The following ANKRD30B variants were observed in gnomAD, a reference collection of about 807,000 sequenced individuals.
The protein encoded by ANKRD30B is ankyrin repeat domain-containing protein 30B.
A neutral mutation model predicts 202.2 loss-of-function variants in ANKRD30B; 144 were observed. The observed-to-expected ratio is 0.71, with a 90% CI of 0.62 to 0.82. The LOEUF (loss-of-function observed/expected upper bound fraction) is 0.82. Ranked by LOEUF, ANKRD30B falls within the 40% of genes least tolerant of loss-of-function variation. The pLI, the probability that ANKRD30B is intolerant of heterozygous loss-of-function variation, is 0.00. For synonymous variants in ANKRD30B, 508 were observed against 561.3 expected (o/e 0.91, Z 1.34); for missense variants, 1,487 against 1,669.1 (o/e 0.89, Z 1.90).
intron 16 of ANKRD30B, among the ~76,000 whole-genome samples, chr18:14,795,116 C>T (rs62086412): frequency 2.5e-3 from 372 of 148,540 alleles, no homozygotes; most frequent in Middle Eastern, 0.014. Flanking sequence ...ATAACCATTA[C>T]TCTAACATTG....
the ANKRD30B span, among the ~76,000 whole-genome samples, chr18:14,890,571 C>A: frequency 6.6e-6 from 1 of 151,516 alleles, no homozygotes; most frequent in African/African-American, 2.4e-5. Flanking sequence ...AATTCTTATA[C>A]CTGAGAAGTA....
chr18:14,924,123 C>T, the ANKRD30B span, among the ~76,000 whole-genome samples: 1 of 152,226 alleles, frequency 6.6e-6, no homozygotes, highest in East Asian at 1.9e-4. Context: ...CTTAATTACT[C>T]TGAATCTCTC....
the ANKRD30B span, among the ~76,000 whole-genome samples, chr18:14,916,344 G>A: frequency 1.3e-5 from 2 of 152,224 alleles, no homozygotes; most frequent in Non-Finnish European, 2.9e-5. Context: ...TTGTGAATCT[G>A]CATCTGGGAT....
intron 16 of ANKRD30B, among the ~76,000 whole-genome samples, chr18:14,792,923 T>G (rs1373059485): frequency 6.6e-6 from 1 of 152,136 alleles, no homozygotes; most frequent in South Asian, 2.1e-4. Context: ...AATTCTGAAT[T>G]CATGACTTGA....
chr18:14,905,463 G>A, the ANKRD30B span: 1 of 152,230 alleles, frequency 6.6e-6, no homozygotes. Flanking sequence ...TTGGTTGAAA[G>A]AATTTAGCTT....
intron 42 of ANKRD30B, among the ~76,000 whole-genome samples, chr18:14,853,041 T>A (rs1213115974): frequency 7.2e-5 from 11 of 152,266 alleles, no homozygotes; most frequent in African/African-American, 2.6e-4. Context: ...CTGTGTTTTG[T>A]TAAATAATAC....
the ANKRD30B span, chr18:14,889,001 T>G: frequency 4.0e-6 from 2 of 499,156 alleles, no homozygotes; most frequent in African/African-American, 4.1e-5. Flanking sequence ...AATTGAAACA[T>G]ACACAACTTT....
the ANKRD30B span, among the ~76,000 whole-genome samples, chr18:14,893,305 ATATT>A: frequency 6.6e-6 from 1 of 152,188 alleles, no homozygotes; most frequent in African/African-American, 2.4e-5. Context: ...ATAGGCACAA[ATATT>A]TATAGAAGTG....
At chr18:14,860,023 G>A in the ANKRD30B span, among the ~76,000 whole-genome samples, 133 of 140,502 alleles carry the variant, frequency 9.5e-4, no homozygotes, top group Non-Finnish European at 1.5e-3. Context: ...GGGCAGAGGC[G>A]CTCCTCACAA....
intron 16 of ANKRD30B, among the ~76,000 whole-genome samples, chr18:14,792,943 T>C (rs955279182): frequency 7.2e-5 from 11 of 152,154 alleles, no homozygotes; most frequent in African/African-American, 2.7e-4. Context: ...AATACTTAAA[T>C]TGTTGTTATT....
chr18:14,787,137 T>C, intron 15 of ANKRD30B, 37 bp downstream of exon 15: 1 of 1,547,960 alleles, frequency 6.5e-7, no homozygotes, highest in Non-Finnish European at 8.8e-7. Context: ...ATATTAGTAT[T>C]GCATGAGATG....
intron 14 of ANKRD30B, among the ~76,000 whole-genome samples, chr18:14,785,804 C>T (rs562253830): frequency 7.9e-5 from 12 of 152,048 alleles, no homozygotes; most frequent in East Asian, 5.8e-4. Context: ...TTTGGGAGGC[C>T]GAGGCGGGTG....
chr18:14,783,238 C>T (rs553827132), intron 12 of ANKRD30B, among the ~76,000 whole-genome samples: 2 of 152,186 alleles, frequency 1.3e-5, no homozygotes, highest in South Asian at 2.1e-4. Flanking sequence ...ACTTATGAAA[C>T]ATTTAAAAAT....
chr18:14,936,875 C>T, the ANKRD30B span, among the ~76,000 whole-genome samples: 2 of 152,196 alleles, frequency 1.3e-5, no homozygotes, highest in African/African-American at 2.4e-5. Context: ...GGCTGAGATT[C>T]ACAGAGGCTG....
the ANKRD30B span, among the ~76,000 whole-genome samples, chr18:14,883,369 G>GTCTGTCTCTCTCTCTC: frequency 5.9e-5 from 5 of 84,594 alleles, no homozygotes; most frequent in African/African-American, 2.9e-4. Context: ...CTGTCTGTCT[G>GTCTGTCTCTCTCTCTC]TCTCTCTCTC....
At chr18:14,793,787 A>G (rs1182535417) in intron 16 of ANKRD30B, among the ~76,000 whole-genome samples, 1 of 151,846 alleles carries the variant, frequency 6.6e-6, no homozygotes, top group Non-Finnish European at 1.5e-5. Flanking sequence ...CCAGCCACTC[A>G]GGAGGTTGAG....
At chr18:14,860,898 T>G in the ANKRD30B span, among the ~76,000 whole-genome samples, 5 of 152,044 alleles carry the variant, frequency 3.3e-5, no homozygotes, top group Non-Finnish European at 5.9e-5. Context: ...AGGGAGTTTC[T>G]TCATGTTGGC....
At chr18:14,794,516 C>A (rs1968741316) in intron 16 of ANKRD30B, among the ~76,000 whole-genome samples, 1 of 151,924 alleles carries the variant, frequency 6.6e-6, no homozygotes, top group Non-Finnish European at 1.5e-5. Context: ...CATATTTTTA[C>A]CTAAAACAAG....
At chr18:14,824,261 A>G (rs1598681661) in intron 32 of ANKRD30B, among the ~76,000 whole-genome samples, 2 of 152,240 alleles carry the variant, frequency 1.3e-5, no homozygotes, top group African/African-American at 2.4e-5. Context: ...ATGATAGCTT[A>G]TATCAGAGAG....
Sources: gnomAD v4.1 joint callset for allele counts (sites outside exome capture counted in the v4.1 genomes callset) on GRCh38, gnomAD v4.1.1 for gene constraint, MANE v1.5 for transcripts, NCBI Gene and HGNC (gene_info 2026-07-23, HGNC 2026-07-21) for gene names.